Variants in ARHGAP23 observed in about 807,000 individuals in gnomAD.
ARHGAP23 encodes the protein Rho GTPase activating protein 23.
In ARHGAP23, 34 loss-of-function variants were observed where a neutral mutation model predicts 136.3. That is an observed-to-expected ratio of 0.25 (90% CI 0.19 to 0.33). ARHGAP23 has a LOEUF of 0.33. Among genes scored for constraint, ARHGAP23 ranks in the 10% least tolerant of loss-of-function variants. ARHGAP23 has a pLI of 1.00. For missense variants in ARHGAP23, 1,808 were observed against 2,139.0 expected (o/e 0.85, Z 3.05); for synonymous variants, 832 against 920.5 (o/e 0.90, Z 1.74).
At chr17:38,432,304 A>G (rs1010342998) in intron 1 of ARHGAP23, among the ~76,000 whole-genome samples, 1 of 152,234 alleles carries the variant, frequency 6.6e-6, no homozygotes, top group African/African-American at 2.4e-5. Flanking sequence ...TGGGAGGCCA[A>G]GGTAGGAGGA....
chr17:38,444,374 C>T (rs1320345361), intron 1 of ARHGAP23, among the ~76,000 whole-genome samples: 5 of 151,950 alleles, frequency 3.3e-5, no homozygotes, highest in Admixed American at 6.6e-5. Context: ...CCTGAGAGGA[C>T]GCGGCGGTGT....
At chr17:38,476,336 AG>A (rs1163299936) in intron 11 of ARHGAP23, among the ~76,000 whole-genome samples, 1 of 152,142 alleles carries the variant, frequency 6.6e-6, no homozygotes, top group African/African-American at 2.4e-5. Context: ...GAGGCAGAAT[AG>A]TTGTGACTTC....
At chr17:38,432,308 A>G (rs748946525) in intron 1 of ARHGAP23, among the ~76,000 whole-genome samples, 1 of 151,944 alleles carries the variant, frequency 6.6e-6, no homozygotes, top group Non-Finnish European at 1.5e-5. Context: ...AGGCCAAGGT[A>G]GGAGGATCAC....
chr17:38,501,204 G>A (rs2040510251), intron 23 of ARHGAP23: 1 of 151,886 alleles, frequency 6.6e-6, no homozygotes, highest in Non-Finnish European at 1.5e-5. Flanking sequence ...TAAACCTCTA[G>A]CCAGACTAAC....
chr17:38,490,006 G>A (rs2040238180), intron 17 of ARHGAP23, 96 bp from the exon 18 acceptor site: 1 of 1,175,738 alleles, frequency 8.5e-7, no homozygotes, highest in African/African-American at 1.5e-5. Context: ...CGAACTGGAG[G>A]AGTTCAAAAC....
chr17:38,429,989 C>A (rs979577778), intron 1 of ARHGAP23, among the ~76,000 whole-genome samples: 7 of 152,112 alleles, frequency 4.6e-5, no homozygotes, highest in Non-Finnish European at 1.0e-4. Flanking sequence ...CAAAGGCAGC[C>A]CAAAGGCCCC....
intron 22 of ARHGAP23, chr17:38,500,237 A>G: frequency 3.3e-6 from 1 of 307,654 alleles, no homozygotes; most frequent in Non-Finnish European, 6.1e-6. Context: ...TGCACCTGAT[A>G]TTTGGCATTT....
At position 38,480,942 on chromosome 17, in the gene ARHGAP23, G is replaced by A. The variant is rs151202680; in HGVS notation, c.2629+1059G>A. On this transcript the variant is annotated intron_variant, in intron 14 of 23. Coordinates refer to ENST00000622683, the MANE Select transcript of ARHGAP23 (RefSeq NM_001199417.2). ...GAGGCCAGGAGTTTGAGACCAGCCT[G>A]GGTAACATAGAAAGGTCCTATCCCT... Among the ~76,000 whole-genome samples the A allele has an allele frequency of 4.8e-3, 727 of 151,970 alleles. 5 individuals are homozygous for A. Among genetic ancestry groups the A allele is most frequent in the African/African-American group, 0.017 (699 of 41,442 alleles).
chr17:38,461,565 C>T (rs528757376), intron 3 of ARHGAP23, among the ~76,000 whole-genome samples: 118 of 152,306 alleles, frequency 7.7e-4, no homozygotes, highest in Admixed American at 1.9e-3. Context: ...ATCCAGAGGC[C>T]GTGATGAGGG....
chr17:38,423,335 G>GGC (rs2038537896), intron 1 of ARHGAP23, among the ~76,000 whole-genome samples: 10 of 151,834 alleles, frequency 6.6e-5, no homozygotes, highest in Admixed American at 4.6e-4. Context: ...TGAGACTACA[G>GGC]GCACGTGCCA....
intron 1 of ARHGAP23, among the ~76,000 whole-genome samples, chr17:38,439,856 C>A (rs2038882933): frequency 6.6e-6 from 1 of 151,616 alleles, no homozygotes; most frequent in Non-Finnish European, 1.5e-5. Flanking sequence ...CTCACTTCAA[C>A]CTCCAACTCA....
At chr17:38,453,418 CGTGCGTGTGTGTGTGTGTGTGTGTGT>C (rs2039229892) in intron 1 of ARHGAP23, among the ~76,000 whole-genome samples, 4 of 100,864 alleles carry the variant, frequency 4.0e-5, no homozygotes, top group African/African-American at 1.7e-4. Context: ...CGCGCGTATG[CGTGCGTGTGTGTGTGTGTGTGTGTGT>C]GTGTGTGTGT....
chr17:38,460,315 T>C (rs972469121), intron 2 of ARHGAP23, among the ~76,000 whole-genome samples: 1 of 152,218 alleles, frequency 6.6e-6, no homozygotes. Context: ...CCTGTAAGCC[T>C]GAGTGCTTTA....
At chr17:38,472,849 G>A (rs1237707934) in intron 11 of ARHGAP23, among the ~76,000 whole-genome samples, 6 of 152,370 alleles carry the variant, frequency 3.9e-5, no homozygotes, top group African/African-American at 9.6e-5. Context: ...TAGCTCATAA[G>A]CCTATTGCTA....
rs1430049912 is a variant in ARHGAP23 at position 38,469,512 on chromosome 17, G to T, written c.1805-12G>T. On this transcript the variant is annotated splice_polypyrimidine_tract_variant and intron_variant, in intron 8 of 23. Coordinates refer to ENST00000622683, the MANE Select transcript of ARHGAP23 (RefSeq NM_001199417.2). ...CCGCTGACCCTGAGGCCCGATGTGG[G>T]CGGCTTTGCAGGCAGCATCAAGGCT... The T allele has an allele frequency of 6.5e-7, 1 of 1,546,854 alleles. No individual in the cohort carries two copies. Among genetic ancestry groups the T allele is most frequent in the East Asian group, 2.4e-5 (1 of 40,930 alleles).
At chr17:38,460,984 C>T (rs2039447045) in intron 3 of ARHGAP23, 52 bp downstream of exon 3, 1 of 1,528,760 alleles carries the variant, frequency 6.5e-7, no homozygotes, top group Non-Finnish European at 8.8e-7. Flanking sequence ...TCTTCCAGCT[C>T]CTGTCTCTCC....
intron 6 of ARHGAP23, among the ~76,000 whole-genome samples, 187 bp from the exon 7 acceptor site, chr17:38,465,977 GCTT>G (rs1444692636): frequency 6.6e-6 from 1 of 152,018 alleles, no homozygotes; most frequent in African/African-American, 2.4e-5. Context: ...AAGGCTTCTT[GCTT>G]CTTCTTTGTT....
At chr17:38,420,376 C>A in intron 1 of ARHGAP23, among the ~76,000 whole-genome samples, 1 of 152,182 alleles carries the variant, frequency 6.6e-6, no homozygotes, top group Non-Finnish European at 1.5e-5. Context: ...CTATTTGGGA[C>A]ACACCTTTCA....
In ARHGAP23 at chr17:38,473,791, G is replaced by T. The variant is rs912725198; in HGVS notation, c.2118+1785G>T. ...GCCTGACAGGGAAGATGTCTCCTTA[G>T]AGGGTCCTGGGGAGAGGGGTGCTGG... On this transcript the variant is annotated intron_variant, in intron 11 of 23. Coordinates refer to ENST00000622683, the MANE Select transcript of ARHGAP23 (RefSeq NM_001199417.2). Among the ~76,000 whole-genome samples the T allele has an allele frequency of 7.1e-4, 108 of 152,154 alleles. 1 individual carries two copies. Among genetic ancestry groups the T allele is most frequent in the Admixed American group, 7.1e-3 (108 of 15,280 alleles).
Sources: gnomAD v4.1 joint callset for allele counts (sites outside exome capture counted in the v4.1 genomes callset) on GRCh38, gnomAD v4.1.1 for gene constraint, MANE v1.5 for transcripts, NCBI Gene and HGNC (gene_info 2026-07-23, HGNC 2026-07-21) for gene names.